The following ZFP69 variants were observed in gnomAD, a reference collection of about 807,000 sequenced individuals.
ZFP69 encodes ZFP69 zinc finger protein.
ZFP69 carries 35 observed loss-of-function variants against 48.9 expected under a neutral mutation model. The observed-to-expected ratio is 0.72, with a 90% confidence interval of 0.55 to 0.95. The LOEUF (loss-of-function observed/expected upper bound fraction) is 0.95. ZFP69 is among the 40% of genes least tolerant of loss of function. The probability of loss-of-function intolerance (pLI) is 0.00; values close to 1 mark genes in which losing one functional copy is unlikely to be tolerated. For missense variants in ZFP69, 557 were observed against 638.4 expected, an observed-to-expected ratio of 0.87 and a Z score of 1.37; for synonymous variants, 193 against 216.8, an observed-to-expected ratio of 0.89 and a Z score of 0.96.
chr1:40,478,224 G>A (rs1645409431), intron 1 of ZFP69, among the ~76,000 whole-genome samples: 1 of 151,858 alleles, frequency 6.6e-6, no homozygotes, highest in South Asian at 2.1e-4. Context: ...ACGTAGCTCC[G>A]ACTGTTCTTG....
intron 4 of ZFP69, 118 bp from the exon 5 acceptor site, chr1:40,489,411 G>C: frequency 8.7e-7 from 1 of 1,145,262 alleles, no homozygotes; most frequent in Non-Finnish European, 1.3e-6. Context: ...AGTTAGGATA[G>C]AAAGACCCAC....
At chr1:40,486,593 AT>A (rs60459958) in intron 3 of ZFP69, among the ~76,000 whole-genome samples, 70,731 of 147,648 alleles carry the variant, frequency 0.48, 18,009 homozygotes, top group African/African-American at 0.65. Flanking sequence ...TAATTTTTGT[AT>A]TTTTTTTTGT....
intron 5 of ZFP69, among the ~76,000 whole-genome samples, chr1:40,491,342 G>A (rs1645566214): frequency 6.6e-6 from 1 of 152,124 alleles, no homozygotes; most frequent in Admixed American, 6.5e-5. Flanking sequence ...ATAACTTCTT[G>A]TATACATAAT....
chr1:40,488,347 C>T (rs1229963673), intron 3 of ZFP69, among the ~76,000 whole-genome samples: 1 of 152,164 alleles, frequency 6.6e-6, no homozygotes, highest in Admixed American at 6.5e-5. Flanking sequence ...GCCACAATTG[C>T]TGAGGGCTTT....
intron 3 of ZFP69, among the ~76,000 whole-genome samples, chr1:40,484,478 T>C (rs1645475256): frequency 1.3e-5 from 2 of 151,980 alleles, no homozygotes; most frequent in Non-Finnish European, 2.9e-5. Context: ...GGATTACAGG[T>C]GTGAGCCACC....
At chr1:40,482,443 C>T (rs749926067) in intron 3 of ZFP69, among the ~76,000 whole-genome samples, 3 of 151,660 alleles carry the variant, frequency 2.0e-5, no homozygotes, top group Admixed American at 2.0e-4. Flanking sequence ...TACTGCCTAT[C>T]GGAAACAGAG....
At chr1:40,485,925 A>AC (rs1645491362) in intron 3 of ZFP69, among the ~76,000 whole-genome samples, 1 of 151,966 alleles carries the variant, frequency 6.6e-6, no homozygotes, top group Non-Finnish European at 1.5e-5. Context: ...GTTTTTTGAG[A>AC]CGGAGTCTTG....
At chr1:40,494,563 C>T (rs759531804) in intron 5 of ZFP69, among the ~76,000 whole-genome samples, 21 of 146,274 alleles carry the variant, frequency 1.4e-4, no homozygotes, top group African/African-American at 3.2e-4. Flanking sequence ...CCACCGCGCC[C>T]GGCCCAAATA....
intron 3 of ZFP69, among the ~76,000 whole-genome samples, chr1:40,482,161 C>T (rs188532187): frequency 3.4e-4 from 52 of 151,444 alleles, no homozygotes; most frequent in Admixed American, 1.1e-3. Context: ...AAAAACCAAC[C>T]GATACCACAT....
chr1:40,488,201 T>G (rs1161979520), intron 3 of ZFP69, among the ~76,000 whole-genome samples: 1 of 152,186 alleles, frequency 6.6e-6, no homozygotes, highest in Non-Finnish European at 1.5e-5. Context: ...AGTTTATTCA[T>G]GTGTTTTGAT....
rs768791324 is a variant in ZFP69 at position 40,495,979 on chromosome 1, G to A, written c.1501G>A (p.Gly501Arg). ...GEKPYECNEC[G>R]KAFSYNSSLS... ...AAAACCTTACGAATGTAACGAATGT[G>A]GAAAAGCCTTCAGCTATAACTCTTC... Residue 501 changes from glycine (G) to arginine (R), a missense_variant, in exon 6 of 6, where the codon GGA becomes AGA. Gly to Arg is a moderately radical substitution (Grantham distance 125, BLOSUM62 -2). Coordinates refer to ENST00000372706, the MANE Select transcript of ZFP69 (RefSeq NM_001320179.2). 4 of 1,614,044 alleles carry A rather than the reference G, an allele frequency of 2.5e-6. No individual in the cohort carries two copies. In the African/African-American group the frequency reaches 5.3e-5, roughly 22 times the overall value.
intron 2 of ZFP69, among the ~76,000 whole-genome samples, chr1:40,481,303 A>ACCACATTATT (rs1645440429): frequency 6.6e-6 from 1 of 152,150 alleles, no homozygotes; most frequent in Non-Finnish European, 1.5e-5. Flanking sequence ...GGTGTGTCCC[A>ACCACATTATT]GGTATAAAGT....
In ZFP69 at chr1:40,479,321, T is replaced by C. The variant is rs1348756579; in HGVS notation, c.-41T>C. 5.6e-6 allele frequency: 9 copies of C among 1,610,780 alleles called. No homozygotes were observed. The highest frequency in any genetic ancestry group is 6.8e-6 in the Non-Finnish European group (8 of 1,178,512). On this transcript the variant is annotated 5_prime_UTR_variant, in exon 2 of 6. Transcript: ENST00000372706. ...GCGTCTCATCAAGAGCTTCTGGCAA[T>C]TTCCTCACCAGAAGTGGACAAGTCC... is the stretch of plus-strand genomic sequence containing the variant.
intron 3 of ZFP69, among the ~76,000 whole-genome samples, chr1:40,483,619 A>T (rs1483648883): frequency 2.6e-5 from 4 of 152,224 alleles, no homozygotes; most frequent in Non-Finnish European, 5.9e-5. Flanking sequence ...GTTTATGATA[A>T]ATGTAGGAAG....
intron 5 of ZFP69, chr1:40,491,062 A>G (rs1239423482): frequency 2.0e-5 from 3 of 152,238 alleles, no homozygotes; most frequent in Admixed American, 2.0e-4. Context: ...TGTATAATGT[A>G]GTAAAAGCAG....
chr1:40,484,459 A>G (rs1218406597), intron 3 of ZFP69, among the ~76,000 whole-genome samples: 1 of 152,086 alleles, frequency 6.6e-6, no homozygotes, highest in Non-Finnish European at 1.5e-5. Context: ...TCAGCCTCCG[A>G]AAGTGCTGGG....
At position 40,495,863 on chromosome 1, in the gene ZFP69, C is replaced by T; in HGVS notation, c.1385C>T (p.Thr462Ile). 6.2e-7 allele frequency: 1 copy of T among 1,614,186 alleles called. No homozygotes were observed. The highest frequency in any genetic ancestry group is 8.5e-7 in the Non-Finnish European group (1 of 1,180,032). Residue 462 changes from threonine to isoleucine, a missense_variant, in exon 6 of 6, where the codon ACA becomes ATA. Physicochemically the swap from Thr to Ile is moderately conservative, Grantham distance 89. Coordinates refer to ENST00000372706, the MANE Select transcript of ZFP69 (RefSeq NM_001320179.2). Reference protein sequence around the residue: ...IHLSNHKTVHTGVKAYECNRC... With the variant: ...IHLSNHKTVHIGVKAYECNRC... Reference sequence around the variant, plus strand: ...CTTAGCAACCATAAAACTGTTCATACAGGAGTGAAAGCATATGAATGCAAC... The same window carrying T: ...CTTAGCAACCATAAAACTGTTCATATAGGAGTGAAAGCATATGAATGCAAC...
Position 40,477,696 on chromosome 1 carries a change from G to A in ZFP69, c.-525G>A, listed in dbSNP as rs1645402620. On this transcript the variant is annotated 5_prime_UTR_variant, in exon 1 of 6. Transcript: ENST00000372706. The surrounding 1 kb of genome is among the most constrained non-coding windows in gnomAD (Gnocchi z 4.0). ...AGGGTCCTCCGGGCTTCCGAAGGAA[G>A]CCGACCTCAACGCTGGACGCTTCTT... 1 of 152,300 alleles carries A rather than the reference G, an allele frequency of 6.6e-6. No homozygotes were observed. The highest frequency in any genetic ancestry group is 2.4e-5 in the African/African-American group (1 of 41,568). The allele number at this position is 152,300 out of a possible 1,614,324, so 9.4% of individuals were successfully genotyped here.
chr1:40,479,512 G>A (rs1356037207), intron 2 of ZFP69, 24 bp downstream of exon 2: 3 of 1,597,934 alleles, frequency 1.9e-6, no homozygotes, highest in African/African-American at 1.3e-5. Flanking sequence ...GATGGAGGGG[G>A]AAGAAGGGGA....
Sources: gnomAD v4.1 joint callset for allele counts (sites outside exome capture counted in the v4.1 genomes callset) on GRCh38, gnomAD v4.1.1 for gene constraint, Gnocchi (gnomAD v3.1) non-coding constraint, MANE v1.5 for transcripts, NCBI Gene and HGNC (gene_info 2026-07-23, HGNC 2026-07-21) for gene names.